TAS2R1: variants seen among roughly 807,000 people sequenced by gnomAD.
TAS2R1 encodes the protein taste 2 receptor member 1.
For missense variants in TAS2R1, 370 were observed against 353.4 expected (o/e 1.05, Z -0.38); for synonymous variants, 141 against 134.2 (o/e 1.05, Z -0.35).
At chr5:9,882,459 C>G in the TAS2R1 span, among the ~76,000 whole-genome samples, 1 of 152,054 alleles carries the variant, frequency 6.6e-6, no homozygotes, top group Non-Finnish European at 1.5e-5. Flanking sequence ...AACCCCATCT[C>G]TAATAAAAAT....
the TAS2R1 span, among the ~76,000 whole-genome samples, chr5:9,743,338 C>G: frequency 1.3e-5 from 2 of 150,878 alleles, no homozygotes; most frequent in African/African-American, 4.9e-5. Context: ...TATTATTATA[C>G]TTTAACTTTT....
At chr5:9,901,767 T>G in the TAS2R1 span, among the ~76,000 whole-genome samples, 1 of 152,178 alleles carries the variant, frequency 6.6e-6, no homozygotes. Flanking sequence ...GAAGTCAGAT[T>G]GTTCTATTTA....
At chr5:9,843,380 C>T in the TAS2R1 span, among the ~76,000 whole-genome samples, 1 of 152,190 alleles carries the variant, frequency 6.6e-6, no homozygotes, top group Non-Finnish European at 1.5e-5. Context: ...TTTCTCACAT[C>T]ATTCCACTTT....
the TAS2R1 span, among the ~76,000 whole-genome samples, chr5:9,832,859 A>G: frequency 6.6e-6 from 1 of 152,208 alleles, no homozygotes; most frequent in Admixed American, 6.5e-5. Context: ...TTAAGGATGT[A>G]CTCGTGACAG....
chr5:9,857,164 TG>T, the TAS2R1 span, among the ~76,000 whole-genome samples: 1 of 152,086 alleles, frequency 6.6e-6, no homozygotes, highest in Non-Finnish European at 1.5e-5. Context: ...AAGGAGGAGA[TG>T]AAGAGAAGTT....
the TAS2R1 span, among the ~76,000 whole-genome samples, chr5:9,767,595 CCA>C: frequency 2.0e-5 from 3 of 152,176 alleles, no homozygotes; most frequent in African/African-American, 7.2e-5. Flanking sequence ...TGACCCGTAA[CCA>C]CAGTCTGTTT....
At chr5:9,650,871 G>C (rs1188755852) in intron 2 of TAS2R1, among the ~76,000 whole-genome samples, 1 of 152,114 alleles carries the variant, frequency 6.6e-6, no homozygotes, top group Non-Finnish European at 1.5e-5. Flanking sequence ...CCAGTAACTA[G>C]ATGGTGCTTG....
chr5:9,763,938 A>C, the TAS2R1 span, among the ~76,000 whole-genome samples: 1 of 152,270 alleles, frequency 6.6e-6, no homozygotes, highest in Non-Finnish European at 1.5e-5. Flanking sequence ...GAAATTCAGA[A>C]AGGAAAATAA....
the TAS2R1 span, among the ~76,000 whole-genome samples, chr5:9,728,887 C>A: frequency 6.6e-6 from 1 of 152,126 alleles, no homozygotes; most frequent in African/African-American, 2.4e-5. Context: ...TGAGGCCCGG[C>A]GCAGTTAGGA....
the TAS2R1 span, among the ~76,000 whole-genome samples, chr5:9,787,334 G>C: frequency 6.6e-6 from 1 of 152,114 alleles, no homozygotes; most frequent in Admixed American, 6.5e-5. Flanking sequence ...TCATGAAAAA[G>C]ACAGGTAAAA....
the TAS2R1 span, among the ~76,000 whole-genome samples, chr5:9,842,316 C>CTTTTTTTTTT: frequency 1.7e-5 from 2 of 116,228 alleles, no homozygotes; most frequent in African/African-American, 6.8e-5. Flanking sequence ...TTCTTTCTCT[C>CTTTTTTTTTT]TTTTTTTTTT....
chr5:9,790,799 T>C, the TAS2R1 span, among the ~76,000 whole-genome samples: 1 of 152,080 alleles, frequency 6.6e-6, no homozygotes, highest in Non-Finnish European at 1.5e-5. Context: ...TGGCTAATTT[T>C]TTTTTGTATT....
chr5:9,751,021 A>C, the TAS2R1 span, among the ~76,000 whole-genome samples: 1 of 151,824 alleles, frequency 6.6e-6, no homozygotes, highest in African/African-American at 2.4e-5. Flanking sequence ...TGGCCAGCCC[A>C]GAAATGACCA....
At chr5:9,837,546 G>T in the TAS2R1 span, among the ~76,000 whole-genome samples, 2 of 152,184 alleles carry the variant, frequency 1.3e-5, no homozygotes, top group Non-Finnish European at 2.9e-5. Flanking sequence ...AGAATGGAGC[G>T]ATGGCCCCTC....
the TAS2R1 span, among the ~76,000 whole-genome samples, chr5:9,726,195 G>T: frequency 2.6e-5 from 4 of 152,056 alleles, no homozygotes; most frequent in African/African-American, 9.7e-5. Flanking sequence ...TCTACCTCAG[G>T]GTTTGTGAAT....
the TAS2R1 span, among the ~76,000 whole-genome samples, chr5:9,849,264 G>C: frequency 6.6e-6 from 1 of 152,184 alleles, no homozygotes; most frequent in Non-Finnish European, 1.5e-5. Context: ...ACAGACCCAG[G>C]TTGAGATATG....
At chr5:9,781,474 C>A in the TAS2R1 span, among the ~76,000 whole-genome samples, 1 of 152,184 alleles carries the variant, frequency 6.6e-6, no homozygotes, top group East Asian at 1.9e-4. Context: ...ACCCAAGCGA[C>A]TCTCCTAATC....
chr5:9,837,283 A>G, the TAS2R1 span, among the ~76,000 whole-genome samples: 23 of 152,316 alleles, frequency 1.5e-4, no homozygotes, highest in South Asian at 4.8e-3. Flanking sequence ...GGTCTGTGCC[A>G]GCTGCTCTCT....
the TAS2R1 span, among the ~76,000 whole-genome samples, chr5:9,785,184 T>C: frequency 6.6e-6 from 1 of 152,218 alleles, no homozygotes; most frequent in Admixed American, 6.5e-5. Flanking sequence ...TTGCCATTTG[T>C]TGCTATGTGT....
Sources: allele counts gnomAD v4.1 joint callset (sites outside exome capture counted in the v4.1 genomes callset), GRCh38; gene constraint gnomAD v4.1.1; transcripts MANE v1.5; gene names NCBI Gene and HGNC (gene_info 2026-07-23, HGNC 2026-07-21).